CHRD: variants seen among roughly 807,000 people sequenced by gnomAD.
CHRD encodes the protein chordin.
A neutral mutation model predicts 113.7 loss-of-function variants in CHRD; 69 were observed. The observed-to-expected ratio is 0.61, with a 90% CI of 0.50 to 0.74. CHRD has a LOEUF of 0.74. Among genes scored for constraint, CHRD ranks in the 30% least tolerant of loss-of-function variants. The probability of loss-of-function intolerance (pLI) is 0.00; values close to 1 mark genes in which losing one functional copy is unlikely to be tolerated. For missense variants in CHRD, 1,194 were observed against 1,295.8 expected (o/e 0.92, Z 1.21); for synonymous variants, 561 against 540.8 (o/e 1.04, Z -0.52).
chr3:184,389,097 G>A, intron 22 of CHRD, 102 bp downstream of exon 22: 1 of 826,506 alleles, frequency 1.2e-6, no homozygotes, highest in East Asian at 2.7e-5. Flanking sequence ...CAGGAACAGT[G>A]CAGCCTGCCT....
chr3:184,382,643 G>C, exon 8 of CHRD: 1 of 1,613,288 alleles, frequency 6.2e-7, no homozygotes, highest in South Asian at 1.1e-5. Flanking sequence ...GAGACCTTCA[G>C]TGCCATCCTG....
exon 23 of CHRD, chr3:184,389,454 A>G: frequency 6.2e-7 from 1 of 1,603,312 alleles, no homozygotes; most frequent in African/African-American, 1.3e-5. Context: ...GACCAAGAGG[A>G]TGGGGCCTGA....
At chr3:184,385,048 T>C (rs746591350) in exon 14 of CHRD, 2 of 1,614,070 alleles carry the variant, frequency 1.2e-6, no homozygotes, top group Non-Finnish European at 1.7e-6. Context: ...GGAGCCCTGG[T>C]GCTACCCCCT....
At chr3:184,383,097 C>T in exon 10 of CHRD, 2 of 1,611,220 alleles carry the variant, frequency 1.2e-6, no homozygotes, top group East Asian at 2.2e-5. Context: ...GCAGATGGCC[C>T]TGGAGTGGGC....
chr3:184,380,763 G>A lies in CHRD; in HGVS notation c.220G>A (p.Val74Met). ...CCCGGACCTAGGGGAGCCATTCGGG[G>A]TGATGCGCTGCGTGCTGTGCGCCTG... Residue 74 changes from valine to methionine, a missense_variant, in exon 2 of 23, where the codon GTG becomes ATG. By Grantham distance (21) the Val-to-Met change is conservative. Coordinates refer to ENST00000204604, the Ensembl canonical transcript of CHRD. The surrounding 1 kb of genome is among the most constrained non-coding windows in gnomAD (Gnocchi z 6.3). 1 of 1,599,976 alleles carries A rather than the reference G, an allele frequency of 6.3e-7. No individual in the cohort carries two copies. The highest frequency in any genetic ancestry group is 8.5e-7 in the Non-Finnish European group (1 of 1,177,346).
chr3:184,384,958 G>C lies in CHRD; in HGVS notation c.1598-60G>C. 1 of 1,546,040 alleles carries C rather than the reference G, an allele frequency of 6.5e-7. No homozygotes were observed. Among genetic ancestry groups the C allele is most frequent in the Non-Finnish European group, 8.9e-7 (1 of 1,124,446 alleles). ...TGTGCTGGGGAGCTGGGAATGCTGG[G>C]TTTGAGGGCTTGCCCTAGGCCACCT... On this transcript the variant is annotated intron_variant, in intron 13 of 22. Transcript: ENST00000204604. This position sits in a 1 kb window ranked among gnomAD's most constrained non-coding sequence, Gnocchi z 4.4.
exon 7 of CHRD, chr3:184,382,505 C>A (rs148446019): frequency 5.9e-5 from 96 of 1,613,894 alleles, no homozygotes; most frequent in Non-Finnish European, 7.4e-5. Flanking sequence ...GGGGGCCTCT[C>A]ATCCGGCACC....
Position 184,387,951 on chromosome 3 carries a change from C to T in CHRD, c.2472C>T (p.His824=), listed in dbSNP as rs1313008344. The T allele has an allele frequency of 6.2e-7, 1 of 1,613,034 alleles. No individual in the cohort carries two copies. The highest frequency in any genetic ancestry group is 1.3e-5 in the African/African-American group (1 of 74,916). Reference sequence around the variant, plus strand: ...TACAGGGGGGCACTGGAGAGGTGCACTGTGAGAAGGTGCAGTGTCCCCGGC... The same window carrying T: ...TACAGGGGGGCACTGGAGAGGTGCATTGTGAGAAGGTGCAGTGTCCCCGGC... The change falls in exon 20 of 23, where the codon CAC becomes CAT. Residue 824 remains histidine (H), a synonymous_variant. Coordinates refer to ENST00000204604, the Ensembl canonical transcript of CHRD. This position sits in a 1 kb window ranked among gnomAD's most constrained non-coding sequence, Gnocchi z 6.1.
exon 23 of CHRD, chr3:184,389,471 G>T: frequency 6.4e-7 from 1 of 1,569,652 alleles, no homozygotes; most frequent in Non-Finnish European, 8.7e-7. Context: ...CTGAGCTGGG[G>T]AAGGGGTGGC....
rs1715277821 is a variant in CHRD at position 184,381,031 on chromosome 3, T to C, written c.253-204T>C. ...TCGTTCCCTGCTCATCTAACTCTCA[T>C]GGCAGCCTTGCTAGATAGAGAGTAT... On this transcript the variant is annotated intron_variant, in intron 2 of 22. Coordinates refer to ENST00000204604, the Ensembl canonical transcript of CHRD. The surrounding 1 kb of genome is among the most constrained non-coding windows in gnomAD (Gnocchi z 4.7). The C allele has an allele frequency of 1.3e-6, 1 of 751,902 alleles. No homozygotes were observed. Among genetic ancestry groups the C allele is most frequent in the Non-Finnish European group, 2.3e-6 (1 of 430,454 alleles). The allele number at this position is 751,902 out of a possible 1,614,324, so 46.6% of individuals were successfully genotyped here.
At position 184,384,924 on chromosome 3, in the gene CHRD, C is replaced by G; in HGVS notation, c.1598-94C>G. 1 of 1,362,872 alleles carries G rather than the reference C, an allele frequency of 7.3e-7. No homozygotes were observed. The highest frequency in any genetic ancestry group is 2.3e-5 in the East Asian group (1 of 43,450). 84.4% of individuals were successfully genotyped at this position (1,362,872 alleles called of 1,614,324 possible). ...GACCTATGGACAGTGTCTTCCAGCT[C>G]GTGGAATGTGTGCTGGGGAGCTGGG... On this transcript the variant is annotated intron_variant, in intron 13 of 22. Transcript: ENST00000204604. The surrounding 1 kb of genome is among the most constrained non-coding windows in gnomAD (Gnocchi z 4.4).
At chr3:184,385,287 C>A in intron 14 of CHRD, 49 bp downstream of exon 14, 1 of 1,416,534 alleles carries the variant, frequency 7.1e-7, no homozygotes, top group Non-Finnish European at 9.9e-7. Context: ...TGTTTTTTAG[C>A]TTGAAGGGCT....
chr3:184,383,455 G>A, intron 11 of CHRD, 37 bp downstream of exon 11: 1 of 1,613,152 alleles, frequency 6.2e-7, no homozygotes, highest in Non-Finnish European at 8.5e-7. Flanking sequence ...GGGGAGGGGT[G>A]GCGTGGGCAG....
rs1439443771 is a variant in CHRD, at chr3:184,381,605, C to A, written c.492C>A (p.Ala164=). The change falls in exon 4 of 23, where the codon GCC becomes GCA. Residue 164 remains alanine (A), a synonymous_variant. Transcript: ENST00000204604. This position sits in a 1 kb window ranked among gnomAD's most constrained non-coding sequence, Gnocchi z 4.7. ...GGGAGCCAGGCGCTGAGGAGCGGGC[C>A]CGTGGTGACGGCCACACGGGTAGGG... 1 of 1,606,924 alleles carries A rather than the reference C, an allele frequency of 6.2e-7. No individual in the cohort carries two copies. The highest frequency in any genetic ancestry group is 8.5e-7 in the Non-Finnish European group (1 of 1,176,598).
At chr3:184,386,791 A>T in intron 16 of CHRD, 36 bp downstream of exon 16, 1 of 1,613,672 alleles carries the variant, frequency 6.2e-7, no homozygotes, top group Non-Finnish European at 8.5e-7. Context: ...GGGTCCTGGG[A>T]TCTGGAGCAA....
In CHRD at chr3:184,380,324, G is replaced by T. The variant is rs1248272976; in HGVS notation, c.6G>T (p.Pro2=). Residue 2 remains proline (P), a synonymous_variant, in exon 1 of 23, where the codon CCG becomes CCT. Coordinates refer to ENST00000204604, the Ensembl canonical transcript of CHRD. The surrounding 1 kb of genome is among the most constrained non-coding windows in gnomAD (Gnocchi z 6.3). ...CCAGCTGTCCCGTTCGCGTCATGCC[G>T]AGCCTCCCGGCCCCGCCGGCCCCGC... The T allele has an allele frequency of 1.6e-6, 2 of 1,260,720 alleles. No individual in the cohort carries two copies. The highest frequency in any genetic ancestry group is 2.0e-6 in the Non-Finnish European group (2 of 986,146). 78.1% of individuals were successfully genotyped at this position (1,260,720 alleles called of 1,614,324 possible).
Position 184,380,963 on chromosome 3 carries a change from T to C in CHRD, c.252+168T>C. The C allele has an allele frequency of 4.1e-6, 3 of 738,592 alleles. No homozygotes were observed. The highest frequency in any genetic ancestry group is 4.8e-6 in the Non-Finnish European group (2 of 419,038). The allele number at this position is 738,592 out of a possible 1,614,324, so 45.8% of individuals were successfully genotyped here. A position where few individuals can be genotyped will look rare whatever the true frequency, so the allele number is the denominator to read the frequency against. ...AGCCCCTCCAATTCTTAGGTGCTGT[T>C]ACTGATCGCCCACTCTGTGTGAGGC... On this transcript the variant is annotated intron_variant, in intron 2 of 22. Coordinates refer to ENST00000204604, the Ensembl canonical transcript of CHRD. The surrounding 1 kb of genome is among the most constrained non-coding windows in gnomAD (Gnocchi z 6.3).
At position 184,385,941 on chromosome 3, in the gene CHRD, C is replaced by A. The variant is rs1368367201; in HGVS notation, c.1819-105C>A. Reference sequence around the variant, plus strand: ...CCAATGGGCTTTGCTACCATGAAGACTTTATTTAACCTCCCTGGCTCTCAG... The same window carrying A: ...CCAATGGGCTTTGCTACCATGAAGAATTTATTTAACCTCCCTGGCTCTCAG... On this transcript the variant is annotated intron_variant, in intron 14 of 22. Coordinates refer to ENST00000204604, the Ensembl canonical transcript of CHRD. 5 of 1,210,430 alleles carry A rather than the reference C, an allele frequency of 4.1e-6. No individual in the cohort carries two copies. The Admixed American group carries it at 9.0e-5, about 22-fold the overall frequency. The allele number at this position is 1,210,430 out of a possible 1,614,324, so 75.0% of individuals were successfully genotyped here. A position where few individuals can be genotyped will look rare whatever the true frequency, so the allele number is the denominator to read the frequency against.
At chr3:184,385,108 G>A in exon 14 of CHRD, 1 of 1,614,178 alleles carries the variant, frequency 6.2e-7, no homozygotes, top group South Asian at 1.1e-5. Context: ...GATACCCACT[G>A]TCACCTGCAC....
Sources: gnomAD v4.1 joint callset for allele counts on GRCh38, gnomAD v4.1.1 for gene constraint, Gnocchi (gnomAD v3.1) non-coding constraint, MANE v1.5 for transcripts, NCBI Gene and HGNC (gene_info 2026-07-23, HGNC 2026-07-21) for gene names.